Variants in ARID1B observed in about 807,000 individuals in gnomAD.
ARID1B encodes the protein AT-rich interaction domain 1B.
Under a neutral mutation model 212.3 loss-of-function variants are expected in ARID1B, and 30 were observed. The observed-to-expected ratio is 0.14, with a 90% CI of 0.11 to 0.19. ARID1B has a LOEUF of 0.19. ARID1B is among the 10% of genes least tolerant of loss of function. The pLI is 1.00. For missense variants in ARID1B, 2,891 were observed against 3,204.0 expected, an observed-to-expected ratio of 0.90 and a Z score of 2.36; for synonymous variants, 1,402 against 1,301.7, an observed-to-expected ratio of 1.08 and a Z score of -1.66.
At chr6:157,025,489 C>T (rs940024997) in intron 4 of ARID1B, among the ~76,000 whole-genome samples, 1 of 152,234 alleles carries the variant, frequency 6.6e-6, no homozygotes, top group South Asian at 2.1e-4. Context: ...ACACCCAAGT[C>T]CTGGCTGCCA....
At chr6:157,169,530 G>T (rs1051159991) in intron 9 of ARID1B, 3 of 152,178 alleles carry the variant, frequency 2.0e-5, no homozygotes, top group Non-Finnish European at 4.4e-5. Context: ...TCCTTCTAAA[G>T]AGCTTTTTTG....
intron 3 of ARID1B, among the ~76,000 whole-genome samples, chr6:156,928,090 C>T (rs1791377566): frequency 6.6e-6 from 1 of 152,108 alleles, no homozygotes; most frequent in South Asian, 2.1e-4. Context: ...GCCCATGGGA[C>T]CCGAGCAGCT....
intron 7 of ARID1B, among the ~76,000 whole-genome samples, chr6:157,146,374 A>G (rs1789723305): frequency 6.6e-6 from 1 of 152,188 alleles, no homozygotes; most frequent in South Asian, 2.1e-4. Context: ...AAGGTCCTAC[A>G]GGCAGGCAGT....
chr6:157,130,790 C>T (rs894075901), intron 6 of ARID1B, among the ~76,000 whole-genome samples: 3 of 152,146 alleles, frequency 2.0e-5, no homozygotes, highest in Non-Finnish European at 2.9e-5. Flanking sequence ...GATTTTCTTT[C>T]GAAGCTACTG....
At chr6:156,995,114 G>A (rs1583103261) in intron 4 of ARID1B, among the ~76,000 whole-genome samples, 1 of 152,310 alleles carries the variant, frequency 6.6e-6, no homozygotes, top group East Asian at 1.9e-4. Flanking sequence ...GGGCCCTACT[G>A]GTACCAGAGG....
chr6:156,987,708 G>A (rs1322395673), intron 4 of ARID1B, among the ~76,000 whole-genome samples: 2 of 152,098 alleles, frequency 1.3e-5, no homozygotes, highest in African/African-American at 4.8e-5. Flanking sequence ...GGAATCTTTT[G>A]TTTTGTTTTG....
At chr6:157,169,989 C>T (rs1535092) in intron 9 of ARID1B, 27,751 of 152,106 alleles carry the variant, frequency 0.18, 5,344 homozygotes, top group African/African-American at 0.49. Context: ...CCAGCTCCAG[C>T]AGGCCTTTAC....
rs1779021928 is a variant in ARID1B at position 156,779,414 on chromosome 6, A to G, written c.1734A>G (p.Gln578=). The part of the protein sequence containing the change: ...AASPAWAAAQ[Q]RSHPAMSPGT... ...GCCCGGCCTGGGCGGCCGCGCAACA[A>G]AGGAGTCACCCGGCGATGAGCCCCG... Residue 578 remains glutamine (Q), a synonymous_variant, in exon 1 of 20, where the codon CAA becomes CAG. Transcript: ENST00000636930. 6.8e-7 allele frequency: 1 copy of G among 1,459,888 alleles called. No individual in the cohort carries two copies. Among genetic ancestry groups the G allele is most frequent in the Non-Finnish European group, 9.1e-7 (1 of 1,103,804 alleles). The allele number at this position is 1,459,888 out of a possible 1,614,324, so 90.4% of individuals were successfully genotyped here.
chr6:157,199,107 C>T (rs977812941), intron 17 of ARID1B, among the ~76,000 whole-genome samples, 200 bp downstream of exon 17: 1 of 152,198 alleles, frequency 6.6e-6, no homozygotes, highest in Non-Finnish European at 1.5e-5. Context: ...TCTTGATACA[C>T]GGTTTCTTGA....
intron 8 of ARID1B, among the ~76,000 whole-genome samples, chr6:157,165,550 T>C (rs1791266962): frequency 2.0e-5 from 3 of 149,894 alleles, no homozygotes; most frequent in Non-Finnish European, 4.4e-5. Flanking sequence ...AGGAACAGTA[T>C]ATTTAAAAAA....
At chr6:156,780,034 G>A (rs1053182134) in intron 1 of ARID1B, among the ~76,000 whole-genome samples, 2 of 152,288 alleles carry the variant, frequency 1.3e-5, no homozygotes, top group South Asian at 2.1e-4. Flanking sequence ...TTCCTACTTA[G>A]GGAGAGCCAT....
intron 4 of ARID1B, among the ~76,000 whole-genome samples, chr6:156,970,732 C>G (rs1776869970): frequency 6.6e-6 from 1 of 152,212 alleles, no homozygotes; most frequent in Non-Finnish European, 1.5e-5. Context: ...AATCTCTTAC[C>G]TGCTCTGCAC....
chr6:157,144,051 C>A (rs1442105205), intron 7 of ARID1B, among the ~76,000 whole-genome samples: 1 of 152,228 alleles, frequency 6.6e-6, no homozygotes, highest in African/African-American at 2.4e-5. Flanking sequence ...AGACGAAGAC[C>A]AGCTGCCGAA....
chr6:157,174,753 AAATT>A (rs1791982131), intron 10 of ARID1B, 90 bp from the exon 11 acceptor site: 1 of 539,086 alleles, frequency 1.9e-6, no homozygotes, highest in East Asian at 4.8e-5. Flanking sequence ...ATATATAAAA[AAATT>A]AGTTTGTTAA....
At chr6:157,122,647 C>T (rs1787813510) in intron 6 of ARID1B, among the ~76,000 whole-genome samples, 1 of 152,194 alleles carries the variant, frequency 6.6e-6, no homozygotes, top group Admixed American at 6.5e-5. Flanking sequence ...AGGCCAGGGT[C>T]CTGCGTGCTC....
chr6:157,076,220 T>C (rs1221557311), intron 4 of ARID1B, among the ~76,000 whole-genome samples: 4 of 152,216 alleles, frequency 2.6e-5, no homozygotes, highest in Non-Finnish European at 5.9e-5. Context: ...AGTTTAGTAA[T>C]GTTCTACAAG....
rs117828155 is a variant in ARID1B at position 156,863,755 on chromosome 6, G to A, written c.1986+34334G>A. Reference sequence around the variant, plus strand: ...CTGTGTCTTGATTAATTGAGCAATTGCCAAAACTGTGTTTTTCAGCTGTTG... The same window carrying A: ...CTGTGTCTTGATTAATTGAGCAATTACCAAAACTGTGTTTTTCAGCTGTTG... On this transcript the variant is annotated intron_variant, in intron 2 of 19. Transcript: ENST00000636930. 3.6e-4 allele frequency among the ~76,000 whole-genome samples: 55 copies of A among 152,274 alleles called. No homozygotes were observed. The East Asian group carries it at 0.01, about 29-fold the overall frequency.
intron 6 of ARID1B, among the ~76,000 whole-genome samples, chr6:157,118,896 T>C (rs1562632687): frequency 6.6e-6 from 1 of 152,378 alleles, no homozygotes; most frequent in East Asian, 1.9e-4. Flanking sequence ...ATTTTTTGAA[T>C]TGCCAATTAA....
intron 4 of ARID1B, among the ~76,000 whole-genome samples, chr6:157,008,795 C>T (rs189786991): frequency 6.6e-6 from 1 of 152,072 alleles, no homozygotes; most frequent in Non-Finnish European, 1.5e-5. Flanking sequence ...GGGTCCTTCA[C>T]TGGTCATCCT....
Sources: allele counts gnomAD v4.1 joint callset (sites outside exome capture counted in the v4.1 genomes callset), GRCh38; gene constraint gnomAD v4.1.1; transcripts MANE v1.5; gene names NCBI Gene and HGNC (gene_info 2026-07-23, HGNC 2026-07-21).